VWA5B1: variants seen among roughly 807,000 people sequenced by gnomAD.
VWA5B1 encodes von Willebrand factor A domain-containing protein 5B1.
In VWA5B1, 115 loss-of-function variants were observed where a neutral mutation model predicts 118.2. The observed-to-expected ratio is 0.97, with a 90% CI of 0.84 to 1.14. The LOEUF is 1.14. VWA5B1 is among the 50% of genes most tolerant of loss of function. The probability of loss-of-function intolerance (pLI) is 0.00; values close to 1 mark genes in which losing one functional copy is unlikely to be tolerated. For synonymous variants in VWA5B1, 682 were observed against 658.4 expected (o/e 1.04, Z -0.55); for missense variants, 1,596 against 1,603.8 (o/e 1.00, Z 0.08).
At position 20,358,006 on chromosome 1, in the gene VWA5B1, C is replaced by T. The variant is rs1277407294; in HGVS notation, c.*3743C>T. On this transcript the variant is annotated 3_prime_UTR_variant, in exon 22 of 22. Coordinates refer to ENST00000289815, the MANE Select transcript of VWA5B1 (RefSeq NM_001039500.3). ...ATGCAGAACCCTGTCTCAGGCCCCT[C>T]AGCTCGAGACCAACTCCAGATGCCA... Among the ~76,000 whole-genome samples, 1 of 152,210 alleles carries T rather than the reference C, an allele frequency of 6.6e-6. No homozygotes were observed. Among genetic ancestry groups the T allele is most frequent in the Non-Finnish European group, 1.5e-5 (1 of 68,036 alleles).
chr1:20,304,519 C>G (rs16823838), intron 1 of VWA5B1, among the ~76,000 whole-genome samples: 2,863 of 151,014 alleles, frequency 0.019, 87 homozygotes, highest in African/African-American at 0.065. Flanking sequence ...TGGACAAAAT[C>G]AATGGGAAGC....
chr1:20,341,911 T>A (rs933340924), intron 14 of VWA5B1, among the ~76,000 whole-genome samples: 3 of 152,186 alleles, frequency 2.0e-5, no homozygotes, highest in African/African-American at 7.2e-5. Context: ...TCTTACCATT[T>A]GAAAAATCAA....
intron 7 of VWA5B1, among the ~76,000 whole-genome samples, chr1:20,320,454 T>C (rs143117317): frequency 3.9e-5 from 6 of 152,258 alleles, no homozygotes; most frequent in African/African-American, 1.2e-4. Context: ...TCAGTTGGGA[T>C]AAGAAGCTGG....
Position 20,323,014 on chromosome 1 carries a change from A to T in VWA5B1, c.967-342A>T, listed in dbSNP as rs10916766. 2.5e-3 allele frequency: 461 copies of T among 182,628 alleles called. 4 individuals are homozygous for T. Among genetic ancestry groups the T allele is most frequent in the African/African-American group, 0.01 (446 of 42,822 alleles). The allele number at this position is 182,628 out of a possible 1,614,324, so 11.3% of individuals were successfully genotyped here. ...CAACGGGCTTCTCGCGTCTGTGCTG[A>T]CTCAGTTCATCCTCACAACCACCCT... is the stretch of plus-strand genomic sequence containing the variant. On this transcript the variant is annotated intron_variant, in intron 7 of 21. Coordinates refer to ENST00000289815, the MANE Select transcript of VWA5B1 (RefSeq NM_001039500.3).
intron 1 of VWA5B1, among the ~76,000 whole-genome samples, chr1:20,309,394 T>C (rs2088771921): frequency 6.6e-6 from 1 of 152,180 alleles, no homozygotes; most frequent in African/African-American, 2.4e-5. Flanking sequence ...CTGGCCTCCC[T>C]GCAGAGGGGA....
chr1:20,337,991 C>A lies in VWA5B1; in HGVS notation c.2133+155C>A, dbSNP rs749252441. On this transcript the variant is annotated intron_variant, in intron 14 of 21. Transcript: ENST00000289815. Reference sequence around the variant, plus strand: ...CTTCCCTAGGCCTTCATCTGCCTTACCTCCGAGGACACCTTCCAAATCAGG... The same window carrying A: ...CTTCCCTAGGCCTTCATCTGCCTTAACTCCGAGGACACCTTCCAAATCAGG... The A allele has an allele frequency of 9.5e-6, 9 of 945,620 alleles. No individual in the cohort carries two copies. In the South Asian group the frequency reaches 1.3e-4, roughly 13 times the overall value. 58.6% of individuals were successfully genotyped at this position (945,620 alleles called of 1,614,324 possible).
rs1202025859 is a variant in VWA5B1 at position 20,352,155 on chromosome 1, T to G, written c.3124T>G (p.Phe1042Val). The G allele has an allele frequency of 1.1e-5, 17 of 1,551,008 alleles. No individual in the cohort carries two copies. In the Admixed American group the frequency reaches 1.6e-4, roughly 14 times the overall value. The change falls in exon 21 of 22, where the codon TTC becomes GTC. Residue 1042 changes from phenylalanine (F) to valine (V), a missense_variant. Coordinates refer to ENST00000289815, the MANE Select transcript of VWA5B1 (RefSeq NM_001039500.3). ...GGAGTCGACCTCCGGGAACCAGAGC[T>G]TCGACTACATACCTCTGGTGAGTGC... ...AVESTSGNQSFDYIPLVSLQL... is the reference protein window; with the variant it reads ...AVESTSGNQSVDYIPLVSLQL...
chr1:20,336,201 G>C, intron 12 of VWA5B1, 102 bp from the exon 13 acceptor site: 3 of 1,077,444 alleles, frequency 2.8e-6, no homozygotes, highest in Non-Finnish European at 3.6e-6. Context: ...TTTCTTCAGA[G>C]ATGAAAACCG....
intron 14 of VWA5B1, 90 bp downstream of exon 14, chr1:20,337,926 A>G (rs1430193928): frequency 6.7e-7 from 1 of 1,496,910 alleles, no homozygotes; most frequent in Non-Finnish European, 9.1e-7. Context: ...GGACGTGGCC[A>G]TCCACAACTT....
chr1:20,332,362 C>T (rs1001844206), intron 11 of VWA5B1, among the ~76,000 whole-genome samples: 1 of 151,894 alleles, frequency 6.6e-6, no homozygotes, highest in African/African-American at 2.4e-5. Flanking sequence ...TGCCTGTAAT[C>T]CCAGCTACTC....
At chr1:20,298,820 A>G (rs562017865) in intron 1 of VWA5B1, among the ~76,000 whole-genome samples, 1 of 152,212 alleles carries the variant, frequency 6.6e-6, no homozygotes, top group Admixed American at 6.5e-5. Flanking sequence ...TGTGTTGCTG[A>G]CAACCCTGTG....
chr1:20,343,360 C>G lies in VWA5B1; in HGVS notation c.2593C>G (p.Gln865Glu), dbSNP rs2089929245. 1.1e-5 allele frequency: 17 copies of G among 1,538,618 alleles called. No individual in the cohort carries two copies. Among genetic ancestry groups the G allele is most frequent in the Non-Finnish European group, 1.5e-5 (17 of 1,144,100 alleles). The stretch of plus-strand genomic sequence containing the variant: ...CCGCGCCATCATCCGCGACTTCGAG[C>G]AGCTGGCGGAGCGCGAGGGCGAGAT... ...AARAIIRDFEQLAEREGEIEQ... is the reference protein window; with the variant it reads ...AARAIIRDFEELAEREGEIEQ... The change falls in exon 16 of 22, where the codon CAG becomes GAG. Residue 865 changes from glutamine (Q) to glutamate (E), a missense_variant. Physicochemically the swap from Gln to Glu is conservative, Grantham distance 29 (BLOSUM62 2). Transcript: ENST00000289815.
chr1:20,351,063 C>T, intron 20 of VWA5B1, 137 bp downstream of exon 20: 1 of 752,796 alleles, frequency 1.3e-6, no homozygotes, highest in Non-Finnish European at 2.2e-6. Context: ...GAAGGCACTC[C>T]TGCCCAGAGC....
rs774922881 is a variant in VWA5B1, at chr1:20,357,265, CCT to C, written c.*3003_*3004del. The stretch of plus-strand genomic sequence containing the variant: ...GCAAATTACTTGCTTTCTCTGAACC[CCT>C]GTTTCATCTTTTGTGGAATGACGGG... On this transcript the variant is annotated 3_prime_UTR_variant, in exon 22 of 22. Coordinates refer to ENST00000289815, the MANE Select transcript of VWA5B1 (RefSeq NM_001039500.3). Among the ~76,000 whole-genome samples, 70 of 152,298 alleles carry C rather than the reference CCT, an allele frequency of 4.6e-4. No homozygotes were observed. The highest frequency in any genetic ancestry group is 1.2e-3 in the Admixed American group (18 of 15,294).
At chr1:20,344,956 T>A (rs537608252) in intron 16 of VWA5B1, among the ~76,000 whole-genome samples, 1 of 152,058 alleles carries the variant, frequency 6.6e-6, no homozygotes, top group Non-Finnish European at 1.5e-5. Context: ...CCATCCTGAG[T>A]CGTGATCTCA....
intron 1 of VWA5B1, among the ~76,000 whole-genome samples, chr1:20,299,731 C>G (rs997482550): frequency 1.3e-5 from 2 of 152,190 alleles, no homozygotes; most frequent in East Asian, 3.9e-4. Flanking sequence ...GAAATGACTT[C>G]GAAGTGGGAG....
Position 20,357,755 on chromosome 1 carries a change from T to C in VWA5B1, c.*3492T>C, listed in dbSNP as rs2090254858. ...CACTGGCCCTAGAATGGTCCTGCCA[T>C]CTGTGGGTGTGGCCTCGTATTAGCA... On this transcript the variant is annotated 3_prime_UTR_variant, in exon 22 of 22. Transcript: ENST00000289815. Among the ~76,000 whole-genome samples the C allele has an allele frequency of 6.6e-6, 1 of 152,214 alleles. No homozygotes were observed.
chr1:20,328,537 G>A (rs530380542), intron 9 of VWA5B1, among the ~76,000 whole-genome samples: 27 of 152,248 alleles, frequency 1.8e-4, no homozygotes, highest in Admixed American at 6.5e-4. Context: ...GGAAGAGAGG[G>A]AGGGAGGAAG....
At chr1:20,292,993 G>C (rs1380842620) in intron 1 of VWA5B1, among the ~76,000 whole-genome samples, 2 of 152,188 alleles carry the variant, frequency 1.3e-5, no homozygotes, top group Non-Finnish European at 2.9e-5. Flanking sequence ...CAGAAAATGG[G>C]GTGAAGACCA....
Sources: gnomAD v4.1 joint callset for allele counts (sites outside exome capture counted in the v4.1 genomes callset) on GRCh38, gnomAD v4.1.1 for gene constraint, MANE v1.5 for transcripts, NCBI Gene and HGNC (gene_info 2026-07-23, HGNC 2026-07-21) for gene names.